FRMPD2: variants seen among roughly 807,000 people sequenced by gnomAD.
FRMPD2 encodes the protein FERM and PDZ domain containing 2.
Under a neutral mutation model 140.1 loss-of-function variants are expected in FRMPD2, and 96 were observed. The ratio of observed to expected loss-of-function variants is 0.69; its 90% CI spans 0.58 to 0.81. The LOEUF is 0.81. Ranked by LOEUF, FRMPD2 falls within the 40% of genes least tolerant of loss-of-function variation. The pLI, the probability that FRMPD2 is intolerant of heterozygous loss-of-function variation, is 0.00. For synonymous variants in FRMPD2, 449 were observed against 547.6 expected (o/e 0.82, Z 2.52); for missense variants, 1,240 against 1,447.4 (o/e 0.86, Z 2.32).
At chr10:48,263,204 T>TTAGA (rs1320788776) in intron 1 of FRMPD2, among the ~76,000 whole-genome samples, 4 of 152,080 alleles carry the variant, frequency 2.6e-5, no homozygotes, top group African/African-American at 9.7e-5. Flanking sequence ...AATGCATATA[T>TTAGA]TAGAATAGAA....
At chr10:48,228,336 T>A (rs1222984263) in intron 10 of FRMPD2, among the ~76,000 whole-genome samples, 1 of 151,830 alleles carries the variant, frequency 6.6e-6, no homozygotes. Context: ...CTTAAAATGG[T>A]TTATAAAATC....
intron 27 of FRMPD2, among the ~76,000 whole-genome samples, chr10:48,165,127 A>G (rs1384450714): frequency 8.6e-5 from 9 of 104,668 alleles, no homozygotes; most frequent in African/African-American, 3.8e-4. Flanking sequence ...GTGACTGCAG[A>G]TGTCAAATGG....
In FRMPD2 at chr10:48,263,775, G is replaced by A. The variant is rs142135356; in HGVS notation, c.25+10768C>T. 6.6e-4 allele frequency among the ~76,000 whole-genome samples: 100 copies of A among 152,186 alleles called. 1 individual carries two copies. In the East Asian group the frequency reaches 0.017, roughly 26 times the overall value. ...CTCTTCCAGAAAATAGAAGCAGAGG[G>A]AACATTTCTTAATTCATTCTATGAG... On this transcript the variant is annotated intron_variant, in intron 1 of 28. Transcript: ENST00000374201.
intron 13 of FRMPD2, among the ~76,000 whole-genome samples, chr10:48,211,362 G>A (rs1387543615): frequency 6.6e-6 from 1 of 152,246 alleles, no homozygotes; most frequent in Non-Finnish European, 1.5e-5. Flanking sequence ...CTGCCTGCAG[G>A]GCTGCAAACT....
chr10:48,176,915 A>G (rs1363350821), intron 22 of FRMPD2, among the ~76,000 whole-genome samples: 2 of 152,134 alleles, frequency 1.3e-5, no homozygotes, highest in African/African-American at 4.8e-5. Context: ...CTAGGTACAT[A>G]GCATTATCAC....
intron 26 of FRMPD2, among the ~76,000 whole-genome samples, chr10:48,169,853 G>T (rs1838192454): frequency 1.1e-5 from 1 of 89,870 alleles, no homozygotes; most frequent in African/African-American, 4.6e-5. Flanking sequence ...AGCCACACAG[G>T]ACTTCCAAGG....
chr10:48,222,300 T>G lies in FRMPD2; in HGVS notation c.1455+13A>C. The G allele has an allele frequency of 6.2e-7, 1 of 1,611,834 alleles. No homozygotes were observed. Among genetic ancestry groups the G allele is most frequent in the Non-Finnish European group, 8.5e-7 (1 of 1,179,186 alleles). On this transcript the variant is annotated intron_variant, in intron 12 of 28. Transcript: ENST00000374201. The stretch of plus-strand genomic sequence containing the variant: ...AGTGACCCCACACAAAGGCCCCTGG[T>G]GTTCACCCCTACCTCCTTAGGGTAA...
intron 13 of FRMPD2, among the ~76,000 whole-genome samples, chr10:48,210,008 G>A (rs1351669869): frequency 6.6e-6 from 1 of 152,110 alleles, no homozygotes; most frequent in Non-Finnish European, 1.5e-5. Context: ...AAATATATAT[G>A]CATATACATA....
chr10:48,256,843 T>C (rs1840499736), intron 1 of FRMPD2, among the ~76,000 whole-genome samples: 1 of 152,216 alleles, frequency 6.6e-6, no homozygotes, highest in South Asian at 2.1e-4. Flanking sequence ...TCTTTCTCCC[T>C]CTCATGGTCC....
chr10:48,273,372 C>T (rs1840800806), intron 1 of FRMPD2, among the ~76,000 whole-genome samples: 1 of 152,198 alleles, frequency 6.6e-6, no homozygotes, highest in Non-Finnish European at 1.5e-5. Context: ...AGAAGGCCTT[C>T]CTTGCTCTCC....
intron 22 of FRMPD2, among the ~76,000 whole-genome samples, chr10:48,177,082 TC>T (rs1260773363): frequency 6.6e-6 from 1 of 151,218 alleles, no homozygotes; most frequent in African/African-American, 2.4e-5. Context: ...CCAGACCCAT[TC>T]CAGGGTCTGA....
In FRMPD2 at chr10:48,177,754, C is replaced by T. The variant is rs1838446670; in HGVS notation, c.2895+293G>A. On this transcript the variant is annotated intron_variant, in intron 22 of 28. Coordinates refer to ENST00000374201, the MANE Select transcript of FRMPD2 (RefSeq NM_001018071.4). ...GAAGCCCCAATGTGCTTCTCTCTCT[C>T]TGCAGTCCAGCTTGACCTCAGAGTC... 15 of 244,986 alleles carry T rather than the reference C, an allele frequency of 6.1e-5. No individual in the cohort carries two copies. In the South Asian group the frequency reaches 8.5e-4, roughly 14 times the overall value. 15.2% of individuals were successfully genotyped at this position (244,986 alleles called of 1,614,324 possible).
intron 3 of FRMPD2, among the ~76,000 whole-genome samples, chr10:48,248,050 C>T (rs1346575508): frequency 1.3e-5 from 2 of 152,214 alleles, no homozygotes; most frequent in Non-Finnish European, 2.9e-5. Flanking sequence ...CTGGAAACCA[C>T]CACATCCCCA....
chr10:48,213,369 G>A (rs531132355), intron 12 of FRMPD2, among the ~76,000 whole-genome samples: 67 of 152,352 alleles, frequency 4.4e-4, no homozygotes, highest in African/African-American at 9.9e-4. Flanking sequence ...ACTCTCAGTC[G>A]TTGCTGGTGG....
chr10:48,249,504 A>G (rs1840327287), intron 2 of FRMPD2, among the ~76,000 whole-genome samples: 1 of 152,218 alleles, frequency 6.6e-6, no homozygotes, highest in African/African-American at 2.4e-5. Context: ...ACCAGGATCC[A>G]AGGCAGCTGG....
chr10:48,240,651 C>T (rs1488137513), intron 5 of FRMPD2, among the ~76,000 whole-genome samples, 159 bp from the exon 6 acceptor site: 1 of 152,136 alleles, frequency 6.6e-6, no homozygotes, highest in Non-Finnish European at 1.5e-5. Context: ...GTGCTCTGTG[C>T]CCACCCCCTG....
chr10:48,184,321 C>T (rs769297206), intron 20 of FRMPD2, among the ~76,000 whole-genome samples: 6 of 152,096 alleles, frequency 3.9e-5, no homozygotes, highest in Non-Finnish European at 8.8e-5. Flanking sequence ...TGTATCCAGC[C>T]GTGTCTAACA....
chr10:48,193,084 C>T, intron 15 of FRMPD2, 190 bp from the exon 16 acceptor site: 1 of 600,746 alleles, frequency 1.7e-6, no homozygotes, highest in South Asian at 2.0e-5. Context: ...ATGAAAGAAA[C>T]CTCAGAAACA....
intron 3 of FRMPD2, among the ~76,000 whole-genome samples, chr10:48,247,042 C>T (rs1840266621): frequency 6.6e-6 from 1 of 152,210 alleles, no homozygotes. Context: ...TACTGGATCT[C>T]TTCCAGCTCA....
Sources: gnomAD v4.1 joint callset for allele counts (sites outside exome capture counted in the v4.1 genomes callset) on GRCh38, gnomAD v4.1.1 for gene constraint, MANE v1.5 for transcripts, NCBI Gene and HGNC (gene_info 2026-07-23, HGNC 2026-07-21) for gene names.